Variants in KIAA1671 observed in about 807,000 individuals in gnomAD.
KIAA1671 encodes KIAA1671.
Under a neutral mutation model 131.2 loss-of-function variants are expected in KIAA1671, and 52 were observed. That is an observed-to-expected ratio of 0.40 (90% CI 0.32 to 0.50). The LOEUF is 0.50. KIAA1671 is among the 20% of genes least tolerant of loss of function. KIAA1671 has a pLI of 0.73. For missense variants in KIAA1671, 2,360 were observed against 2,364.2 expected, an observed-to-expected ratio of 1.00 and a Z score of 0.04; for synonymous variants, 1,003 against 961.6, an observed-to-expected ratio of 1.04 and a Z score of -0.80.
chr22:25,003,061 A>G (rs943044843), intron 1 of KIAA1671, among the ~76,000 whole-genome samples: 5 of 151,782 alleles, frequency 3.3e-5, no homozygotes. Context: ...GCATGAGCCA[A>G]TGCCCCTGGC....
chr22:24,984,579 G>A (rs377473705), intron 1 of KIAA1671, among the ~76,000 whole-genome samples: 27 of 152,282 alleles, frequency 1.8e-4, no homozygotes, highest in African/African-American at 6.3e-4. Context: ...CTTAATAAGC[G>A]TGGAATTAAT....
Position 25,006,087 on chromosome 22 carries a change from A to G in KIAA1671, c.-207-19546A>G, listed in dbSNP as rs547579761. Among the ~76,000 whole-genome samples, 5 of 152,234 alleles carry G rather than the reference A, an allele frequency of 3.3e-5. No individual in the cohort carries two copies. The East Asian group carries it at 9.7e-4, about 29-fold the overall frequency. On this transcript the variant is annotated intron_variant, in intron 1 of 12. Coordinates refer to ENST00000358431, the MANE Select transcript of KIAA1671 (RefSeq NM_001145206.2). ...CACTCTGTTGCCCAGGCTGGAGTGC[A>G]ATGGCGTGATCTTGGCTCATTGCAA...
intron 1 of KIAA1671, among the ~76,000 whole-genome samples, chr22:25,021,794 ATTTT>A (rs1268448406): frequency 7.0e-6 from 1 of 143,586 alleles, no homozygotes; most frequent in African/African-American, 2.6e-5. Flanking sequence ...GCTCTTTTTC[ATTTT>A]TTTTTTGGGA....
intron 6 of KIAA1671, among the ~76,000 whole-genome samples, chr22:25,083,738 C>T (rs1929535776): frequency 6.6e-6 from 1 of 152,244 alleles, no homozygotes; most frequent in South Asian, 2.1e-4. Flanking sequence ...AAGCTGTCCT[C>T]ATGCCTCATT....
chr22:25,040,672 T>C lies in KIAA1671; in HGVS notation c.3542T>C (p.Val1181Ala). 1.3e-6 allele frequency: 2 copies of C among 1,552,094 alleles called. No homozygotes were observed. The highest frequency in any genetic ancestry group is 1.7e-6 in the Non-Finnish European group (2 of 1,147,072). ...CTTCCTGTGAGAAGGAAGACTGATG[T>C]GATCAGTGACACGTTCCCAGGTAAA... ...KDLPVRRKTD[V>A]ISDTFPGKIR... Residue 1181 changes from valine to alanine, a missense_variant, in exon 5 of 13, where the codon GTG becomes GCG. By Grantham distance (64) the Val-to-Ala change is moderately conservative (BLOSUM62 0). Around this residue, in one of 3 missense-constraint regions of KIAA1671, gnomAD observed 1,161 missense variants for 1,204.7 expected, o/e 0.96. Transcript: ENST00000358431.
intron 1 of KIAA1671, among the ~76,000 whole-genome samples, chr22:24,988,229 G>A (rs1001137969): frequency 2.1e-5 from 3 of 144,840 alleles, no homozygotes; most frequent in African/African-American, 5.1e-5. Context: ...GCAGTGAGCC[G>A]AGATCGCGCC....
intron 6 of KIAA1671, among the ~76,000 whole-genome samples, chr22:25,100,144 G>A (rs1170545251): frequency 6.6e-6 from 1 of 152,180 alleles, no homozygotes; most frequent in Non-Finnish European, 1.5e-5. Flanking sequence ...ATTGCCTGGG[G>A]CCCCACAGTG....
Position 25,039,643 on chromosome 22 carries a change from G to A in KIAA1671, c.2513G>A (p.Ser838Asn). ...VSSHKATVAV[S>N]EEHCAPGATS... ...TCGCACAAAGCCACCGTGGCAGTCA[G>A]CGAAGAGCACTGTGCTCCCGGGGCC... The change falls in exon 5 of 13, where the codon AGC (serine) becomes AAC (asparagine). Residue 838 changes from serine to asparagine, a missense_variant. Physicochemically the swap from Ser to Asn is conservative, Grantham distance 46. This residue lies in a region of KIAA1671 where 1,185 missense variants were observed against 1,126.2 expected (regional missense o/e 1.05). Transcript: ENST00000358431. 2 of 1,546,432 alleles carry A rather than the reference G, an allele frequency of 1.3e-6. No homozygotes were observed. Among genetic ancestry groups the A allele is most frequent in the African/African-American group, 1.4e-5 (1 of 73,118 alleles).
intron 6 of KIAA1671, among the ~76,000 whole-genome samples, chr22:25,093,728 CA>C: frequency 4.0e-5 from 5 of 124,632 alleles, no homozygotes; most frequent in Non-Finnish European, 4.8e-5. Flanking sequence ...CACACACACA[CA>C]CACACACACT....
chr22:25,154,965 C>T (rs1933179424), intron 6 of KIAA1671, among the ~76,000 whole-genome samples: 2 of 152,172 alleles, frequency 1.3e-5, no homozygotes, highest in African/African-American at 4.8e-5. Flanking sequence ...CTGATATCCC[C>T]ACCTGTCTTG....
At chr22:25,032,101 C>T (rs1926326167) in intron 3 of KIAA1671, among the ~76,000 whole-genome samples, 1 of 152,190 alleles carries the variant, frequency 6.6e-6, no homozygotes, top group Non-Finnish European at 1.5e-5. Flanking sequence ...GACCTGGGCC[C>T]CCACACATTC....
chr22:25,107,469 C>CTTTT (rs765558092), intron 6 of KIAA1671, among the ~76,000 whole-genome samples: 898 of 68,470 alleles, frequency 0.013, 79 homozygotes, highest in African/African-American at 0.032. Flanking sequence ...ATCCATGGCA[C>CTTTT]TTTTTTTTTT....
In KIAA1671 at chr22:25,177,500, G is replaced by A. The variant is rs1264199324; in HGVS notation, c.5052G>A (p.Thr1684=). 17 of 1,551,370 alleles carry A rather than the reference G, an allele frequency of 1.1e-5. No individual in the cohort carries two copies. Among genetic ancestry groups the A allele is most frequent in the South Asian group, 3.6e-5 (3 of 84,066 alleles). ...RSPLEDETDN[T]WMFKDSTEEK... ...CTTTGGAGGATGAGACTGACAACAC[G>A]TGGATGTTCAAAGACTCAACGGGTA... Residue 1684 remains threonine, a synonymous_variant, in exon 9 of 13, where the codon ACG becomes ACA. Coordinates refer to ENST00000358431, the MANE Select transcript of KIAA1671 (RefSeq NM_001145206.2).
At chr22:25,083,044 T>A (rs1181818015) in intron 6 of KIAA1671, among the ~76,000 whole-genome samples, 1 of 152,216 alleles carries the variant, frequency 6.6e-6, no homozygotes, top group Non-Finnish European at 1.5e-5. Context: ...TTGCTCCTCC[T>A]ATGTGCTGGT....
chr22:25,194,056 C>A lies in KIAA1671; in HGVS notation c.*1655C>A, dbSNP rs1934749790. On this transcript the variant is annotated 3_prime_UTR_variant, in exon 13 of 13. Coordinates refer to ENST00000358431, the MANE Select transcript of KIAA1671 (RefSeq NM_001145206.2). Reference sequence around the variant, plus strand: ...ATGGCTTTCAACGTCAATAGGATCCCCTTTAAAAATACCCTGCTAGTGTTT... The same window carrying A: ...ATGGCTTTCAACGTCAATAGGATCCACTTTAAAAATACCCTGCTAGTGTTT... The A allele has an allele frequency of 6.6e-6, 1 of 151,988 alleles. No homozygotes were observed. The highest frequency in any genetic ancestry group is 6.6e-5 in the Admixed American group (1 of 15,242). 9.4% of individuals were successfully genotyped at this position (151,988 alleles called of 1,614,324 possible).
rs368830395 is a variant in KIAA1671 at position 25,087,588 on chromosome 22, A to AAACCAACC, written c.4530+38235_4530+38242dup. Among the ~76,000 whole-genome samples, 475 of 152,248 alleles carry AAACCAACC rather than the reference A, an allele frequency of 3.1e-3. 2 individuals carry two copies. The highest frequency in any genetic ancestry group is 0.011 in the African/African-American group (457 of 41,552). On this transcript the variant is annotated intron_variant, in intron 6 of 12. Transcript: ENST00000358431. Reference sequence around the variant, plus strand: ...ACAGAGCGAGACTCCTCCATCTCAAAAACCAACCAACCAACCAAACAACAA... The same window carrying AAACCAACC: ...ACAGAGCGAGACTCCTCCATCTCAAAAACCAACCAACCAACCAACCAACCAAACAACAA...
chr22:25,190,161 C>A (rs182925046), intron 11 of KIAA1671, among the ~76,000 whole-genome samples: 206 of 152,046 alleles, frequency 1.4e-3, no homozygotes, highest in African/African-American at 4.5e-3. Context: ...TCAGTGAGAA[C>A]CCTGAGCTTG....
At chr22:24,953,449 T>TCGGACGCGGAGGCTC (rs1921520421) in intron 1 of KIAA1671, among the ~76,000 whole-genome samples, 1 of 151,920 alleles carries the variant, frequency 6.6e-6, no homozygotes, top group Non-Finnish European at 1.5e-5. Context: ...GCGGGGCCCC[T>TCGGACGCGGAGGCTC]CGGACGCGGA....
intron 1 of KIAA1671, among the ~76,000 whole-genome samples, chr22:24,970,687 G>T (rs550633768): frequency 8.1e-5 from 12 of 147,604 alleles, no homozygotes; most frequent in Admixed American, 3.4e-4. Flanking sequence ...AATTGTCTTG[G>T]GCCACACATA....
Sources: gnomAD v4.1 joint callset for allele counts (sites outside exome capture counted in the v4.1 genomes callset) on GRCh38, gnomAD v4.1.1 for gene constraint, gnomAD v4.1.1 regional missense constraint, MANE v1.5 for transcripts, NCBI Gene and HGNC (gene_info 2026-07-23, HGNC 2026-07-21) for gene names.